Variants in NIM1K observed in about 807,000 individuals in gnomAD.
NIM1K encodes the protein NIM1 serine/threonine protein kinase, also known as serine/threonine-protein kinase NIM1.
A neutral mutation model predicts 37.1 loss-of-function variants in NIM1K; 35 were observed. The ratio of observed to expected loss-of-function variants is 0.94; its 90% confidence interval spans 0.72 to 1.25. The LOEUF (loss-of-function observed/expected upper bound fraction) is 1.25, where lower values mean the gene tolerates loss of function less well. NIM1K is among the 50% of genes most tolerant of loss of function. NIM1K has a pLI of 0.00. For missense variants in NIM1K, 564 were observed against 548.0 expected (o/e 1.03, Z -0.29); for synonymous variants, 234 against 206.6 (o/e 1.13, Z -1.14).
Position 43,280,594 on chromosome 5 carries a change from TAG to T in NIM1K, c.1179_1180del (p.Arg393SerfsTer19), listed in dbSNP as rs751582071. The T allele has an allele frequency of 1.2e-6, 2 of 1,614,096 alleles. No homozygotes were observed. Among genetic ancestry groups the T allele is most frequent in the South Asian group, 1.1e-5 (1 of 91,088 alleles). On this transcript the variant is annotated frameshift_variant, in exon 4 of 4. Coordinates refer to ENST00000326035, the MANE Select transcript of NIM1K (RefSeq NM_153361.4). LOFTEE classifies it high-confidence loss of function. Reference protein sequence around the residue: ...ITGVYRIILHRVQRKKALESV... With the variant: ...ITGVYRIILHXVQRKKALESV... ...CAGGGGTCTATAGAATTATTTTACA[TAG>T]AGTCCAAAGGAAGAAGGCTTTGGAA...
chr5:43,249,860 T>G (rs948315303), intron 2 of NIM1K, among the ~76,000 whole-genome samples: 2 of 148,336 alleles, frequency 1.3e-5, no homozygotes, highest in African/African-American at 5.0e-5. Flanking sequence ...GTTTTTTTTT[T>G]TTTTTTTTTT....
At chr5:43,246,164 C>A in intron 2 of NIM1K, 97 bp downstream of exon 2, 1 of 1,075,750 alleles carries the variant, frequency 9.3e-7, no homozygotes, top group Non-Finnish European at 1.3e-6. Flanking sequence ...AGTAAAGTGA[C>A]CTCAGCAGAG....
At chr5:43,232,747 C>A in intron 1 of NIM1K, 2 of 1,204,282 alleles carry the variant, frequency 1.7e-6, no homozygotes, top group Non-Finnish European at 2.4e-6. Context: ...AATTCCTTCA[C>A]CAAAGCTGTG....
intron 3 of NIM1K, 45 bp from the exon 4 acceptor site, chr5:43,279,935 A>G: frequency 1.3e-6 from 2 of 1,491,860 alleles, no homozygotes; most frequent in Non-Finnish European, 1.8e-6. Context: ...TTTTATTTTG[A>G]CATTTTACTG....
Position 43,233,173 on chromosome 5 carries a change from T to G in NIM1K, c.-694-11909T>G. 3 of 1,237,610 alleles carry G rather than the reference T, an allele frequency of 2.4e-6. No individual in the cohort carries two copies. The South Asian group carries it at 3.7e-5, about 15-fold the overall frequency. 76.7% of individuals were successfully genotyped at this position (1,237,610 alleles called of 1,614,324 possible). ...AATGAGATGGAGATGCGGTCACGCA[T>G]GATTACTGCTTCACGGCTGCCGAGG... On this transcript the variant is annotated intron_variant, in intron 1 of 3. Transcript: ENST00000326035.
chr5:43,227,219 GCA>G (rs1752470560), intron 1 of NIM1K, among the ~76,000 whole-genome samples: 1 of 152,112 alleles, frequency 6.6e-6, no homozygotes, highest in Non-Finnish European at 1.5e-5. Context: ...AATTAGCCCG[GCA>G]TGGTGGCGCA....
chr5:43,221,020 T>A (rs534896669), intron 1 of NIM1K, among the ~76,000 whole-genome samples: 3 of 152,220 alleles, frequency 2.0e-5, no homozygotes, highest in South Asian at 2.1e-4. Flanking sequence ...GCTCTCTTGA[T>A]ACACAAATGA....
chr5:43,208,080 G>A (rs1752143646), intron 1 of NIM1K, among the ~76,000 whole-genome samples: 1 of 152,090 alleles, frequency 6.6e-6, no homozygotes, highest in East Asian at 1.9e-4. Context: ...TGTGATTTTT[G>A]TTCCTTTTTA....
intron 1 of NIM1K, among the ~76,000 whole-genome samples, chr5:43,225,215 G>A (rs1269218585): frequency 7.9e-6 from 1 of 126,230 alleles, no homozygotes; most frequent in African/African-American, 3.0e-5. Flanking sequence ...ATTGCATATT[G>A]CACCACTACA....
At chr5:43,262,429 A>G (rs1753045633) in intron 2 of NIM1K, among the ~76,000 whole-genome samples, 1 of 152,096 alleles carries the variant, frequency 6.6e-6, no homozygotes. Context: ...TTGGTAGAGG[A>G]ATGCTTGTGA....
intron 1 of NIM1K, chr5:43,232,565 T>G (rs1323825997): frequency 6.3e-7 from 1 of 1,579,878 alleles, no homozygotes; most frequent in Non-Finnish European, 8.6e-7. Context: ...TTGTCTACCA[T>G]GAAGACACAA....
intron 3 of NIM1K, among the ~76,000 whole-genome samples, chr5:43,279,649 C>T (rs1753407182): frequency 6.6e-6 from 1 of 152,208 alleles, no homozygotes; most frequent in Admixed American, 6.5e-5. Context: ...CCATGTATGA[C>T]CTCAACAACT....
chr5:43,235,586 C>G (rs1408155531), intron 1 of NIM1K, among the ~76,000 whole-genome samples: 1 of 152,156 alleles, frequency 6.6e-6, no homozygotes, highest in Non-Finnish European at 1.5e-5. Flanking sequence ...GACCTAAATT[C>G]TTACAGATAT....
intron 1 of NIM1K, among the ~76,000 whole-genome samples, chr5:43,236,857 C>T (rs1288454838): frequency 1.3e-5 from 2 of 152,214 alleles, no homozygotes; most frequent in Non-Finnish European, 2.9e-5. Flanking sequence ...CAGAGCAGAA[C>T]TGCTGTCCTA....
At chr5:43,217,586 G>T (rs1436161850) in intron 1 of NIM1K, among the ~76,000 whole-genome samples, 2 of 151,866 alleles carry the variant, frequency 1.3e-5, no homozygotes, top group Non-Finnish European at 1.5e-5. Flanking sequence ...TAGCAGGTAT[G>T]AAGTGGTATC....
intron 1 of NIM1K, among the ~76,000 whole-genome samples, chr5:43,199,976 A>G (rs1363883548): frequency 2.0e-5 from 3 of 150,600 alleles, no homozygotes; most frequent in African/African-American, 7.3e-5. Context: ...CCCGGGTTCA[A>G]GTGATTCTCC....
intron 2 of NIM1K, among the ~76,000 whole-genome samples, chr5:43,268,823 C>T (rs1409891927): frequency 6.6e-6 from 1 of 152,110 alleles, no homozygotes; most frequent in African/African-American, 2.4e-5. Flanking sequence ...CTAGCCAAGA[C>T]TAAGCCCAGG....
chr5:43,277,118 A>G lies in NIM1K; in HGVS notation c.354A>G (p.Leu118=), dbSNP rs776314177. ...TAGACCAGAAAACCCAGAGGCTACT[A>G]TCCCGAGAAATCTCCAGCATGGAAA... ...TKLDQKTQRL[L]SREISSMEKL... is the part of the protein sequence containing the mutation. The change falls in exon 3 of 4, where the codon CTA becomes CTG. Residue 118 remains leucine (L), a synonymous_variant. Coordinates refer to ENST00000326035, the MANE Select transcript of NIM1K (RefSeq NM_153361.4). 23 of 1,614,040 alleles carry G rather than the reference A, an allele frequency of 1.4e-5. No homozygotes were observed. In the African/African-American group the frequency reaches 2.8e-4, roughly 20 times the overall value.
chr5:43,250,098 C>T (rs376485277), intron 2 of NIM1K, among the ~76,000 whole-genome samples: 20 of 151,738 alleles, frequency 1.3e-4, no homozygotes, highest in African/African-American at 4.1e-4. Flanking sequence ...GTGATCTGCC[C>T]GCCTCGGCCT....
Sources: gnomAD v4.1 joint callset for allele counts (sites outside exome capture counted in the v4.1 genomes callset) on GRCh38, gnomAD v4.1.1 for gene constraint, MANE v1.5 for transcripts, NCBI Gene and HGNC (gene_info 2026-07-23, HGNC 2026-07-21) for gene names.